The following AOPEP variants were observed in gnomAD, a reference collection of about 807,000 sequenced individuals.
AOPEP encodes the protein aminopeptidase O.
A neutral mutation model predicts 98.1 loss-of-function variants in AOPEP; 77 were observed. The observed-to-expected ratio is 0.78, with a 90% confidence interval of 0.65 to 0.95. The LOEUF (loss-of-function observed/expected upper bound fraction) is 0.95. AOPEP is among the 40% of genes least tolerant of loss of function. The pLI is 0.00. For synonymous variants in AOPEP, 346 were observed against 365.3 expected, an observed-to-expected ratio of 0.95 and a Z score of 0.60; for missense variants, 1,024 against 1,024.7, an observed-to-expected ratio of 1.00 and a Z score of 0.01.
intron 13 of AOPEP, among the ~76,000 whole-genome samples, chr9:95,032,967 T>A (rs2133394853): frequency 6.6e-6 from 1 of 152,314 alleles, no homozygotes; most frequent in East Asian, 1.9e-4. Flanking sequence ...ACACTAGAGT[T>A]CATTTTAGAA....
At chr9:94,955,357 A>G (rs1589066289) in intron 8 of AOPEP, 78 bp downstream of exon 8, 1 of 871,850 alleles carries the variant, frequency 1.1e-6, no homozygotes, top group Non-Finnish European at 1.9e-6. Flanking sequence ...AATGATGATT[A>G]GTAACAAGAC....
At chr9:95,096,822 C>T in the AOPEP span, among the ~76,000 whole-genome samples, 3 of 152,230 alleles carry the variant, frequency 2.0e-5, no homozygotes, top group African/African-American at 7.2e-5. Context: ...TCAGAGCTTG[C>T]CTGGCTGTTC....
intron 3 of AOPEP, among the ~76,000 whole-genome samples, chr9:94,778,161 A>T (rs1384676515): frequency 1.3e-5 from 2 of 152,208 alleles, no homozygotes; most frequent in African/African-American, 4.8e-5. Flanking sequence ...GTTTCCAAGG[A>T]TAAGCCACAA....
intron 1 of AOPEP, among the ~76,000 whole-genome samples, chr9:94,746,062 G>A (rs952330667): frequency 6.6e-6 from 1 of 152,072 alleles, no homozygotes; most frequent in Admixed American, 6.6e-5. Flanking sequence ...GAACTCTTTC[G>A]AGTGTTAGAA....
the AOPEP span, among the ~76,000 whole-genome samples, chr9:95,106,268 G>A: frequency 6.6e-6 from 1 of 152,186 alleles, no homozygotes; most frequent in Non-Finnish European, 1.5e-5. Flanking sequence ...CTTCTTTGGA[G>A]AAATGTCTGT....
chr9:95,026,032 C>A (rs951840425), intron 13 of AOPEP, among the ~76,000 whole-genome samples: 12 of 152,168 alleles, frequency 7.9e-5, no homozygotes, highest in African/African-American at 2.9e-4. Flanking sequence ...CCTTTATTAT[C>A]TTTAGAGGAA....
At chr9:94,880,908 C>T (rs1213238599) in intron 5 of AOPEP, among the ~76,000 whole-genome samples, 1 of 152,142 alleles carries the variant, frequency 6.6e-6, no homozygotes, top group Admixed American at 6.5e-5. Flanking sequence ...AAAGTATCAA[C>T]TCAGGATTAT....
At chr9:95,080,066 A>G (rs2134212374) in intron 14 of AOPEP, among the ~76,000 whole-genome samples, 2 of 152,352 alleles carry the variant, frequency 1.3e-5, no homozygotes, top group South Asian at 4.1e-4. Flanking sequence ...CTGAGGAAGG[A>G]GCACCAGCAG....
intron 5 of AOPEP, among the ~76,000 whole-genome samples, chr9:94,813,618 G>C (rs926250815): frequency 3.3e-5 from 5 of 152,222 alleles, no homozygotes; most frequent in African/African-American, 1.2e-4. Flanking sequence ...AGGGCAAGCT[G>C]TGCTTTCTGG....
the AOPEP span, among the ~76,000 whole-genome samples, chr9:95,128,152 A>G: frequency 6.6e-6 from 1 of 152,204 alleles, no homozygotes; most frequent in Non-Finnish European, 1.5e-5. Context: ...CTCACTGTAA[A>G]TAATAAAAGT....
At position 95,037,108 on chromosome 9, in the gene AOPEP, G is replaced by A. The variant is rs117675318; in HGVS notation, c.2116-23586G>A. Among the ~76,000 whole-genome samples, 271 of 152,272 alleles carry A rather than the reference G, an allele frequency of 1.8e-3. 1 individual carries two copies. The highest frequency in any genetic ancestry group is 2.8e-3 in the Admixed American group (43 of 15,288). Reference sequence around the variant, plus strand: ...GCATGAAAATTGTAGCAAACCCATAGAGGCTTTTAATTTTTTTCTAAAAAG... The same window carrying A: ...GCATGAAAATTGTAGCAAACCCATAAAGGCTTTTAATTTTTTTCTAAAAAG... On this transcript the variant is annotated intron_variant, in intron 13 of 16. Transcript: ENST00000375315.
At chr9:94,886,071 A>G (rs980867409) in intron 5 of AOPEP, among the ~76,000 whole-genome samples, 5 of 152,178 alleles carry the variant, frequency 3.3e-5, no homozygotes, top group Non-Finnish European at 7.3e-5. Flanking sequence ...GAGTACTACA[A>G]AAAAGGTGTT....
chr9:94,979,232 C>A, intron 10 of AOPEP, 135 bp from the exon 11 acceptor site: 1 of 585,374 alleles, frequency 1.7e-6, no homozygotes, highest in Non-Finnish European at 3.2e-6. Flanking sequence ...CCCAGGGGAG[C>A]GCTGCCCTTT....
chr9:94,852,998 G>C (rs978785315), intron 5 of AOPEP, among the ~76,000 whole-genome samples: 1 of 152,072 alleles, frequency 6.6e-6, no homozygotes, highest in Non-Finnish European at 1.5e-5. Flanking sequence ...AGAATGAATC[G>C]AGTAAATATT....
At chr9:94,944,591 G>T (rs1470615314) in intron 7 of AOPEP, among the ~76,000 whole-genome samples, 2 of 152,122 alleles carry the variant, frequency 1.3e-5, no homozygotes, top group African/African-American at 4.8e-5. Context: ...TTGAGACAGG[G>T]TCTTACTCTG....
chr9:95,105,614 G>T, the AOPEP span, among the ~76,000 whole-genome samples: 5 of 152,108 alleles, frequency 3.3e-5, no homozygotes, highest in Non-Finnish European at 7.4e-5. Flanking sequence ...AGCACTGGCC[G>T]TCTCCTGCCC....
intron 11 of AOPEP, among the ~76,000 whole-genome samples, chr9:94,992,750 G>A (rs2060977835): frequency 6.6e-6 from 1 of 152,212 alleles, no homozygotes; most frequent in Non-Finnish European, 1.5e-5. Flanking sequence ...TCTGGGCTGC[G>A]TCCGGTGCCG....
At chr9:95,144,648 T>C in the AOPEP span, among the ~76,000 whole-genome samples, 7 of 152,236 alleles carry the variant, frequency 4.6e-5, no homozygotes, top group Non-Finnish European at 8.8e-5. Context: ...TGAGACCATA[T>C]TCTCCTGTGA....
At chr9:94,832,189 C>CA (rs1412221537) in intron 5 of AOPEP, among the ~76,000 whole-genome samples, 1 of 151,984 alleles carries the variant, frequency 6.6e-6, no homozygotes, top group African/African-American at 2.4e-5. Flanking sequence ...ATTTATAACA[C>CA]AGACAAATAT....
Sources: allele counts gnomAD v4.1 joint callset (sites outside exome capture counted in the v4.1 genomes callset), GRCh38; gene constraint gnomAD v4.1.1; transcripts MANE v1.5; gene names NCBI Gene and HGNC (gene_info 2026-07-23, HGNC 2026-07-21).